Variants in PTPRD observed in about 807,000 individuals in gnomAD.
The protein encoded by PTPRD is receptor-type tyrosine-protein phosphatase delta.
In PTPRD, 34 loss-of-function variants were observed where a neutral mutation model predicts 214.5. The observed-to-expected ratio is 0.16, with a 90% CI of 0.12 to 0.21. PTPRD has a LOEUF of 0.21. PTPRD is among the 10% of genes least tolerant of loss of function. PTPRD has a pLI of 1.00. For missense variants in PTPRD, 2,545 were observed against 2,398.7 expected, an observed-to-expected ratio of 1.06 and a Z score of -1.27; for synonymous variants, 1,128 against 845.7, an observed-to-expected ratio of 1.33 and a Z score of -5.79.
At chr9:8,775,249 T>C (rs1331122300) in intron 11 of PTPRD, among the ~76,000 whole-genome samples, 1 of 152,174 alleles carries the variant, frequency 6.6e-6, no homozygotes, top group Non-Finnish European at 1.5e-5. Context: ...TTTTCTGATA[T>C]GGTCTGTTTA....
At chr9:9,149,982 A>T (rs1217642486) in intron 10 of PTPRD, among the ~76,000 whole-genome samples, 1 of 152,170 alleles carries the variant, frequency 6.6e-6, no homozygotes, top group Non-Finnish European at 1.5e-5. Flanking sequence ...ATACATGAAG[A>T]CCCATTTTAC....
intron 9 of PTPRD, among the ~76,000 whole-genome samples, chr9:9,233,861 T>G (rs561113776): frequency 6.6e-6 from 1 of 152,330 alleles, no homozygotes; most frequent in East Asian, 1.9e-4. Context: ...TGTGGCTTTG[T>G]AGGGTATAGT....
At chr9:9,474,312 T>C (rs142001598) in intron 8 of PTPRD, among the ~76,000 whole-genome samples, 460 of 152,232 alleles carry the variant, frequency 3.0e-3, no homozygotes, top group African/African-American at 9.5e-3. Flanking sequence ...CATTGGTCTA[T>C]TTTTCTGTTT....
chr9:10,278,342 AGGC>A (rs2094852167), intron 3 of PTPRD, among the ~76,000 whole-genome samples: 1 of 152,208 alleles, frequency 6.6e-6, no homozygotes, highest in African/African-American at 2.4e-5. Flanking sequence ...AAGAAAATAC[AGGC>A]TTCCACAGCT....
chr9:10,453,720 C>G (rs1383489849), intron 2 of PTPRD, among the ~76,000 whole-genome samples: 3 of 151,404 alleles, frequency 2.0e-5, no homozygotes. Context: ...TAACATTTCT[C>G]TACACAAGAT....
At chr9:8,332,176 C>G (rs562486171) in intron 43 of PTPRD, among the ~76,000 whole-genome samples, 2 of 152,266 alleles carry the variant, frequency 1.3e-5, no homozygotes, top group South Asian at 4.1e-4. Flanking sequence ...AATATTGAAA[C>G]AAGCACCTAG....
chr9:10,260,431 AGTTTCC>A (rs2093617660), intron 3 of PTPRD, among the ~76,000 whole-genome samples: 1 of 152,194 alleles, frequency 6.6e-6, no homozygotes, highest in Non-Finnish European at 1.5e-5. Context: ...ACAGATACAG[AGTTTCC>A]CATAGGTAAT....
At chr9:8,372,190 A>C (rs1044158610) in intron 39 of PTPRD, among the ~76,000 whole-genome samples, 3 of 151,994 alleles carry the variant, frequency 2.0e-5, no homozygotes, top group Non-Finnish European at 4.4e-5. Context: ...CCATTCATTT[A>C]ATGATTTGGA....
chr9:9,248,448 T>C (rs1427615463), intron 9 of PTPRD, among the ~76,000 whole-genome samples: 2 of 152,106 alleles, frequency 1.3e-5, no homozygotes, highest in African/African-American at 2.4e-5. Context: ...GTAATTATCT[T>C]GGTAACAATG....
chr9:8,692,316 A>T (rs952752954), intron 12 of PTPRD, among the ~76,000 whole-genome samples: 2 of 152,182 alleles, frequency 1.3e-5, no homozygotes, highest in African/African-American at 4.8e-5. Flanking sequence ...GCTTTGCTCC[A>T]TGTAGACTTA....
intron 9 of PTPRD, among the ~76,000 whole-genome samples, chr9:9,209,682 T>C (rs145938425): frequency 6.6e-6 from 1 of 152,314 alleles, no homozygotes; most frequent in African/African-American, 2.4e-5. Flanking sequence ...TTGATTATTG[T>C]TGAAGTGGGT....
intron 5 of PTPRD, among the ~76,000 whole-genome samples, chr9:9,866,068 G>A (rs1050496358): frequency 7.2e-5 from 11 of 151,950 alleles, no homozygotes; most frequent in Non-Finnish European, 1.0e-4. Flanking sequence ...TTATAAACAC[G>A]GTTATGTGCC....
rs182095752 is a variant in PTPRD, at chr9:9,833,684, G to T, written c.-367-66833C>A. Among the ~76,000 whole-genome samples, 9 of 144,876 alleles carry T rather than the reference G, an allele frequency of 6.2e-5. No individual in the cohort carries two copies. In the East Asian group the frequency reaches 6.3e-4, roughly 10 times the overall value. ...ATAAGAGACAGGTACGCTCCGGAGA[G>T]GGGGGCAGTTCAGAGACCTACCCCT... On this transcript the variant is annotated intron_variant, in intron 5 of 45. Transcript: ENST00000381196.
At chr9:8,448,277 G>C (rs187442064) in intron 34 of PTPRD, among the ~76,000 whole-genome samples, 1 of 152,134 alleles carries the variant, frequency 6.6e-6, no homozygotes, top group Non-Finnish European at 1.5e-5. Context: ...GCAGTGAGCC[G>C]TCATTGTGCT....
chr9:9,532,551 A>G (rs1050322050), intron 8 of PTPRD, among the ~76,000 whole-genome samples: 1 of 152,186 alleles, frequency 6.6e-6, no homozygotes, highest in Non-Finnish European at 1.5e-5. Flanking sequence ...AGACTGACAC[A>G]TCAGATTTCT....
intron 8 of PTPRD, among the ~76,000 whole-genome samples, chr9:9,477,562 G>A (rs1316076060): frequency 6.6e-6 from 1 of 152,100 alleles, no homozygotes; most frequent in Non-Finnish European, 1.5e-5. Flanking sequence ...ACTGATATGA[G>A]GCTGGTGTTT....
intron 2 of PTPRD, among the ~76,000 whole-genome samples, chr9:10,411,306 T>C (rs1313030039): frequency 2.6e-5 from 4 of 151,804 alleles, no homozygotes; most frequent in Non-Finnish European, 5.9e-5. Flanking sequence ...CCTTTAATCC[T>C]CTTGTAGTAA....
At chr9:8,543,783 G>A (rs1301557859) in intron 14 of PTPRD, among the ~76,000 whole-genome samples, 3 of 152,044 alleles carry the variant, frequency 2.0e-5, no homozygotes, top group Non-Finnish European at 4.4e-5. Context: ...CATGGTCTAG[G>A]CTCACTGCAA....
chr9:8,968,008 G>T (rs946030064), intron 11 of PTPRD, among the ~76,000 whole-genome samples: 7 of 151,024 alleles, frequency 4.6e-5, no homozygotes, highest in Admixed American at 2.6e-4. Flanking sequence ...GTGGTGTTTG[G>T]TTTTTTTTTC....
Sources: allele counts gnomAD v4.1 joint callset (sites outside exome capture counted in the v4.1 genomes callset), GRCh38; gene constraint gnomAD v4.1.1; transcripts MANE v1.5; gene names NCBI Gene and HGNC (gene_info 2026-07-23, HGNC 2026-07-21).